VAV3: variants seen among roughly 807,000 people sequenced by gnomAD.
VAV3 encodes guanine nucleotide exchange factor VAV3.
VAV3 carries 94 observed loss-of-function variants against 131.2 expected under a neutral mutation model. That is an observed-to-expected ratio of 0.72 (90% CI 0.61 to 0.85). The LOEUF (loss-of-function observed/expected upper bound fraction) is 0.85. VAV3 is among the 40% of genes least tolerant of loss of function. VAV3 has a pLI of 0.00. For synonymous variants in VAV3, 349 were observed against 342.0 expected (o/e 1.02, Z -0.22); for missense variants, 939 against 1,002.7 (o/e 0.94, Z 0.86).
At chr1:107,946,667 C>T (rs1047515344) in intron 1 of VAV3, among the ~76,000 whole-genome samples, 2 of 152,182 alleles carry the variant, frequency 1.3e-5, no homozygotes, top group African/African-American at 2.4e-5. Flanking sequence ...ATAACTGATT[C>T]CACAAATAAG....
At chr1:107,887,960 T>G (rs1262931098) in intron 1 of VAV3, among the ~76,000 whole-genome samples, 2 of 151,892 alleles carry the variant, frequency 1.3e-5, no homozygotes, top group Admixed American at 1.3e-4. Context: ...AAATAACAAT[T>G]TTTCTGGCCT....
intron 10 of VAV3, 28 bp from the exon 11 acceptor site, chr1:107,757,357 C>T (rs1021181944): frequency 2.5e-6 from 4 of 1,568,656 alleles, no homozygotes; most frequent in Admixed American, 3.9e-5. Flanking sequence ...TTTAGTACTA[C>T]TTTCATCAAA....
Position 107,751,126 on chromosome 1 carries a change from T to C in VAV3, c.1250A>G (p.Lys417Arg). ...ATTCTTCTTTTCTTACCTTTCTTGT[T>C]TGGTATGCTTGTCTAGAGTGGTTAT... ...IRITTLDKHT[K>R]QERHIFLFDL... is the part of the protein sequence containing the mutation. The change falls in exon 13 of 27, where the codon AAA becomes AGA. Residue 417 changes from lysine to arginine, a missense_variant. By Grantham distance (26) the Lys-to-Arg change is conservative. Coordinates refer to ENST00000370056, the MANE Select transcript of VAV3 (RefSeq NM_006113.5). 1.2e-6 allele frequency: 2 copies of C among 1,610,590 alleles called. No individual in the cohort carries two copies. Among genetic ancestry groups the C allele is most frequent in the Non-Finnish European group, 1.7e-6 (2 of 1,179,266 alleles).
intron 19 of VAV3, among the ~76,000 whole-genome samples, chr1:107,650,596 A>G (rs1486320601): frequency 6.6e-6 from 1 of 150,622 alleles, no homozygotes; most frequent in African/African-American, 2.4e-5. Context: ...TTTAGGGCAC[A>G]TGTGCACAAT....
intron 1 of VAV3, among the ~76,000 whole-genome samples, chr1:107,904,331 A>G (rs184409598): frequency 1.1e-3 from 163 of 152,360 alleles, no homozygotes; most frequent in South Asian, 3.9e-3. Flanking sequence ...GCAGGCGGGT[A>G]CCAAACATGA....
At chr1:107,733,867 T>G (rs1441351926) in intron 15 of VAV3, among the ~76,000 whole-genome samples, 1 of 151,760 alleles carries the variant, frequency 6.6e-6, no homozygotes, top group African/African-American at 2.4e-5. Flanking sequence ...CAGGCCAACA[T>G]TCAAATTCAG....
intron 21 of VAV3, among the ~76,000 whole-genome samples, chr1:107,613,663 T>C (rs1305733073): frequency 6.6e-6 from 1 of 152,106 alleles, no homozygotes; most frequent in Non-Finnish European, 1.5e-5. Flanking sequence ...GATTTAATTA[T>C]ATATTTTATT....
At chr1:107,912,892 C>T (rs938886969) in intron 1 of VAV3, among the ~76,000 whole-genome samples, 2 of 152,134 alleles carry the variant, frequency 1.3e-5, no homozygotes, top group Non-Finnish European at 2.9e-5. Context: ...TTTCCACAAC[C>T]ACACTTTCCA....
chr1:107,783,493 C>G (rs906704444), intron 2 of VAV3, among the ~76,000 whole-genome samples: 1 of 152,148 alleles, frequency 6.6e-6, no homozygotes, highest in Non-Finnish European at 1.5e-5. Flanking sequence ...CCTGGGCTAG[C>G]TGTTAAGGCT....
chr1:107,872,759 C>T (rs1670311254), intron 2 of VAV3, among the ~76,000 whole-genome samples: 1 of 152,164 alleles, frequency 6.6e-6, no homozygotes, highest in South Asian at 2.1e-4. Flanking sequence ...TGAGTTCAAA[C>T]TGCTGCTTCA....
chr1:107,914,128 A>G (rs1672502103), intron 1 of VAV3, among the ~76,000 whole-genome samples: 1 of 152,230 alleles, frequency 6.6e-6, no homozygotes, highest in African/African-American at 2.4e-5. Flanking sequence ...TTGTTTATAT[A>G]CAAACATACA....
chr1:107,589,250 T>C (rs950077058), intron 25 of VAV3, among the ~76,000 whole-genome samples: 4 of 152,202 alleles, frequency 2.6e-5, no homozygotes, highest in Admixed American at 6.5e-5. Flanking sequence ...TGTGACTTTA[T>C]TTGAAACAGG....
rs147354873 is a variant in VAV3 at position 107,815,677 on chromosome 1, T to C, written c.322-36185A>G. Among the ~76,000 whole-genome samples, 25 of 152,318 alleles carry C rather than the reference T, an allele frequency of 1.6e-4. No individual in the cohort carries two copies. The East Asian group carries it at 3.3e-3, about 20-fold the overall frequency. ...CTGCTTCTTTAAAGAAGATAGGATA[T>C]TTGGAATGAAATTCAAGCACTATCA... On this transcript the variant is annotated intron_variant, in intron 2 of 26. Transcript: ENST00000370056.
intron 2 of VAV3, among the ~76,000 whole-genome samples, chr1:107,872,639 T>C (rs1382661142): frequency 1.3e-5 from 2 of 152,170 alleles, no homozygotes; most frequent in East Asian, 1.9e-4. Flanking sequence ...AAAATAATAG[T>C]ATCCACATGT....
At chr1:107,870,538 C>A (rs1463061956) in intron 2 of VAV3, among the ~76,000 whole-genome samples, 1 of 151,938 alleles carries the variant, frequency 6.6e-6, no homozygotes, top group Non-Finnish European at 1.5e-5. Flanking sequence ...TGATATTAGT[C>A]CTTTGTTTGG....
chr1:107,635,675 T>C (rs996071869), intron 20 of VAV3, among the ~76,000 whole-genome samples: 6 of 152,046 alleles, frequency 3.9e-5, no homozygotes, highest in African/African-American at 1.2e-4. Context: ...AATTTGATGG[T>C]GACAGTGAAA....
chr1:107,942,387 T>C (rs982011867), intron 1 of VAV3, among the ~76,000 whole-genome samples: 4 of 152,166 alleles, frequency 2.6e-5, no homozygotes, highest in African/African-American at 9.7e-5. Flanking sequence ...TATCCAGCCC[T>C]TGGCCTTACA....
chr1:107,599,257 G>A (rs959142362), intron 24 of VAV3, among the ~76,000 whole-genome samples: 3 of 152,010 alleles, frequency 2.0e-5, no homozygotes, highest in African/African-American at 2.4e-5. Flanking sequence ...TTTCTAACTG[G>A]GTAGAACTAA....
intron 1 of VAV3, among the ~76,000 whole-genome samples, chr1:107,900,937 T>C (rs1280988404): frequency 6.6e-6 from 1 of 152,238 alleles, no homozygotes; most frequent in Non-Finnish European, 1.5e-5. Flanking sequence ...TTTCCTTACC[T>C]TGTATATTTT....
Sources: allele counts gnomAD v4.1 joint callset (sites outside exome capture counted in the v4.1 genomes callset), GRCh38; gene constraint gnomAD v4.1.1; transcripts MANE v1.5; gene names NCBI Gene and HGNC (gene_info 2026-07-23, HGNC 2026-07-21).